The following ARMH4 variants were observed in gnomAD, a reference collection of about 807,000 sequenced individuals.
ARMH4 encodes the protein armadillo like helical domain containing 4, also known as armadillo-like helical domain-containing protein 4.
Under a neutral mutation model 61.9 loss-of-function variants are expected in ARMH4, and 49 were observed. That is an observed-to-expected ratio of 0.79 (90% CI 0.63 to 1.00). The LOEUF is 1.00. Ranked by LOEUF, ARMH4 falls within the 50% of genes least tolerant of loss-of-function variation. The pLI is 0.00. For synonymous variants in ARMH4, 368 were observed against 341.5 expected (o/e 1.08, Z -0.85); for missense variants, 934 against 930.0 (o/e 1.00, Z -0.06).
chr14:58,039,257 C>T (rs939858380), intron 5 of ARMH4, among the ~76,000 whole-genome samples: 2 of 152,206 alleles, frequency 1.3e-5, no homozygotes, highest in African/African-American at 4.8e-5. Flanking sequence ...GAGCTCTCCC[C>T]ACCTACTCCT....
At position 58,031,339 on chromosome 14, in the gene ARMH4, T is replaced by G. The variant is rs143148552; in HGVS notation, c.2090-19189A>C. 1.4e-3 allele frequency among the ~76,000 whole-genome samples: 213 copies of G among 152,344 alleles called. 3 individuals carry two copies. In the East Asian group the frequency reaches 0.038, roughly 27 times the overall value. On this transcript the variant is annotated intron_variant, in intron 5 of 7. Coordinates refer to ENST00000267485, the MANE Select transcript of ARMH4 (RefSeq NM_001001872.4). ...AGCCATCAACCAAAATGGATTTGTT[T>G]TTACCCAGTAACAAACAAACCTTGA...
At chr14:58,136,695 G>A (rs1217993586) in intron 2 of ARMH4, among the ~76,000 whole-genome samples, 2 of 152,134 alleles carry the variant, frequency 1.3e-5, no homozygotes, top group African/African-American at 4.8e-5. Context: ...AATTTGGAAT[G>A]AGCATGTATA....
rs1283358043 is a variant in ARMH4 at position 58,138,719 on chromosome 14, C to T, written c.640G>A (p.Glu214Lys). Residue 214 changes from glutamate to lysine, a missense_variant, in exon 2 of 8, where the codon GAA becomes AAA. Coordinates refer to ENST00000267485, the MANE Select transcript of ARMH4 (RefSeq NM_001001872.4). ...GTCTTTGGATTGGTGGTTAGCATTT[C>T]CTTAGTATTCACATAGGATGAAGGT... Reference protein sequence around the residue: ...HSPSSYVNTKEMLTTNPKTEK... With the variant: ...HSPSSYVNTKKMLTTNPKTEK... The T allele has an allele frequency of 1.9e-6, 3 of 1,614,142 alleles. No homozygotes were observed. The highest frequency in any genetic ancestry group is 2.5e-6 in the Non-Finnish European group (3 of 1,180,046).
intron 5 of ARMH4, among the ~76,000 whole-genome samples, chr14:58,033,165 G>A (rs1223442814): frequency 9.2e-6 from 1 of 108,186 alleles, no homozygotes; most frequent in South Asian, 3.9e-4. Context: ...TGACAGCTTT[G>A]AAGAGAGCAG....
intron 2 of ARMH4, among the ~76,000 whole-genome samples, chr14:58,135,546 T>TAGAGAA (rs145839568): frequency 0.16 from 24,098 of 151,992 alleles, 3,157 homozygotes; most frequent in African/African-American, 0.37. Context: ...TAATTGCTGT[T>TAGAGAA]AGAAAAGTGA....
intron 4 of ARMH4, among the ~76,000 whole-genome samples, chr14:58,105,816 A>G (rs1163054962): frequency 6.6e-6 from 1 of 152,186 alleles, no homozygotes; most frequent in Non-Finnish European, 1.5e-5. Context: ...TGTTCTGACA[A>G]TCTCTAAAAA....
chr14:58,124,152 T>G (rs142781077), intron 4 of ARMH4, among the ~76,000 whole-genome samples: 9,346 of 152,214 alleles, frequency 0.061, 335 homozygotes, highest in Middle Eastern at 0.15. Flanking sequence ...TTATATACAC[T>G]AATTAAGGAA....
In ARMH4 at chr14:58,137,979, C is replaced by G. The variant is rs371735875; in HGVS notation, c.1369+11G>C. ...TAAACCAAAGTTTGTTTTTCTTTTT[C>G]TTTCTTTTACCTTTCATTGTATTTC... On this transcript the variant is annotated intron_variant, in intron 2 of 7. Coordinates refer to ENST00000267485, the MANE Select transcript of ARMH4 (RefSeq NM_001001872.4). 2.6e-6 allele frequency: 4 copies of G among 1,558,480 alleles called. No individual in the cohort carries two copies. In the East Asian group the frequency reaches 6.8e-5, roughly 27 times the overall value.
At chr14:58,149,646 T>C (rs997992775) in intron 1 of ARMH4, among the ~76,000 whole-genome samples, 1 of 152,224 alleles carries the variant, frequency 6.6e-6, no homozygotes, top group African/African-American at 2.4e-5. Context: ...GCATATCATC[T>C]CATCCCTGGT....
At chr14:58,047,116 C>T (rs980557993) in intron 5 of ARMH4, among the ~76,000 whole-genome samples, 1 of 152,202 alleles carries the variant, frequency 6.6e-6, no homozygotes, top group Admixed American at 6.5e-5. Flanking sequence ...GCCTTCCTTG[C>T]AGCCAGCCTC....
chr14:58,117,448 A>G (rs1646811871), intron 4 of ARMH4, among the ~76,000 whole-genome samples: 1 of 152,204 alleles, frequency 6.6e-6, no homozygotes, highest in African/African-American at 2.4e-5. Flanking sequence ...TTCCCCTTCA[A>G]AATGTAAAGC....
chr14:58,113,759 T>C (rs914718713), intron 4 of ARMH4, among the ~76,000 whole-genome samples: 12 of 152,030 alleles, frequency 7.9e-5, no homozygotes, highest in African/African-American at 2.7e-4. Context: ...AGTTCATTAA[T>C]TTTCTCTTTT....
At chr14:58,019,094 G>C (rs891571082) in intron 5 of ARMH4, among the ~76,000 whole-genome samples, 11 of 152,166 alleles carry the variant, frequency 7.2e-5, no homozygotes, top group Non-Finnish European at 1.6e-4. Flanking sequence ...GCAGAGAATG[G>C]TGGTTACCAG....
chr14:58,069,948 T>C lies in ARMH4; in HGVS notation c.2089+26776A>G, dbSNP rs149095571. 2.3e-3 allele frequency among the ~76,000 whole-genome samples: 346 copies of C among 152,208 alleles called. 1 individual carries two copies. Among genetic ancestry groups the C allele is most frequent in the African/African-American group, 7.9e-3 (328 of 41,552 alleles). On this transcript the variant is annotated intron_variant, in intron 5 of 7. Coordinates refer to ENST00000267485, the MANE Select transcript of ARMH4 (RefSeq NM_001001872.4). ...CACAGTGTGGAGAAGGGACTGGAAATAGAGGAACTGCAAGCAAGAAAGAAC... is the reference window on the plus strand; with the variant it reads ...CACAGTGTGGAGAAGGGACTGGAAACAGAGGAACTGCAAGCAAGAAAGAAC...
intron 5 of ARMH4, among the ~76,000 whole-genome samples, chr14:58,051,047 T>G (rs1884121784): frequency 6.6e-6 from 1 of 151,572 alleles, no homozygotes; most frequent in African/African-American, 2.4e-5. Flanking sequence ...TGTCAGGTGA[T>G]AACTTTTTTG....
intron 5 of ARMH4, among the ~76,000 whole-genome samples, chr14:58,020,998 T>C (rs1882805448): frequency 6.6e-6 from 1 of 152,108 alleles, no homozygotes; most frequent in African/African-American, 2.4e-5. Context: ...GAAAAGCTGG[T>C]GTTTCATGCC....
At chr14:58,146,342 C>T (rs1173538552) in intron 1 of ARMH4, among the ~76,000 whole-genome samples, 1 of 152,220 alleles carries the variant, frequency 6.6e-6, no homozygotes, top group African/African-American at 2.4e-5. Context: ...CTTTTCCCTC[C>T]CACTGCGTAT....
intron 1 of ARMH4, chr14:58,141,646 C>T (rs1594782898): frequency 7.4e-6 from 3 of 404,260 alleles, no homozygotes; most frequent in Admixed American, 3.2e-5. Context: ...CAACCTGTAC[C>T]CCAGGAAGAA....
intron 5 of ARMH4, 64 bp from the exon 6 acceptor site, chr14:58,012,214 G>T: frequency 2.0e-6 from 2 of 985,698 alleles, no homozygotes; most frequent in Non-Finnish European, 3.0e-6. Context: ...ATGGCATTAA[G>T]TTAATTTGAC....
Sources: gnomAD v4.1 joint callset for allele counts (sites outside exome capture counted in the v4.1 genomes callset) on GRCh38, gnomAD v4.1.1 for gene constraint, MANE v1.5 for transcripts, NCBI Gene and HGNC (gene_info 2026-07-23, HGNC 2026-07-21) for gene names.